Variants in KIF16B observed in about 807,000 individuals in gnomAD.
The protein encoded by KIF16B is kinesin-like protein KIF16B.
Under a neutral mutation model 156.3 loss-of-function variants are expected in KIF16B, and 98 were observed. The ratio of observed to expected loss-of-function variants is 0.63; its 90% CI spans 0.53 to 0.74. KIF16B has a LOEUF of 0.74. KIF16B is among the 30% of genes least tolerant of loss of function. The pLI is 0.00. For missense variants in KIF16B, 1,421 were observed against 1,606.5 expected (o/e 0.88, Z 1.97); for synonymous variants, 564 against 583.7 (o/e 0.97, Z 0.49).
intron 12 of KIF16B, among the ~76,000 whole-genome samples, chr20:16,470,224 G>T (rs1028283477): frequency 1.5e-4 from 23 of 152,140 alleles, no homozygotes; most frequent in African/African-American, 5.6e-4. Flanking sequence ...TGTTTTTAGG[G>T]CAGTGAAACT....
intron 16 of KIF16B, among the ~76,000 whole-genome samples, 168 bp from the exon 17 acceptor site, chr20:16,405,069 G>A (rs2065749038): frequency 6.6e-6 from 1 of 152,162 alleles, no homozygotes; most frequent in African/African-American, 2.4e-5. Flanking sequence ...GGGCAGTAAG[G>A]CCCTGATACA....
chr20:16,546,552 C>T (rs1411129388), intron 1 of KIF16B, among the ~76,000 whole-genome samples: 1 of 152,202 alleles, frequency 6.6e-6, no homozygotes, highest in Non-Finnish European at 1.5e-5. Flanking sequence ...CTTTCTGACC[C>T]TTTCCCAAAA....
chr20:16,475,649 A>T (rs113709585), intron 12 of KIF16B, among the ~76,000 whole-genome samples: 1 of 152,242 alleles, frequency 6.6e-6, no homozygotes, highest in African/African-American at 2.4e-5. Flanking sequence ...AAGGAATTGT[A>T]CATTTTAATT....
chr20:16,452,782 C>A (rs111983750), intron 12 of KIF16B, among the ~76,000 whole-genome samples: 1 of 151,324 alleles, frequency 6.6e-6, no homozygotes, highest in Non-Finnish European at 1.5e-5. Flanking sequence ...TTGCAGTGAG[C>A]CGAGATCGCG....
At chr20:16,550,423 T>G (rs190388692) in intron 1 of KIF16B, among the ~76,000 whole-genome samples, 1 of 152,134 alleles carries the variant, frequency 6.6e-6, no homozygotes, top group Non-Finnish European at 1.5e-5. Context: ...GTTCAACCAT[T>G]GTGGAAGTCA....
chr20:16,313,192 C>A (rs889389095), intron 24 of KIF16B, among the ~76,000 whole-genome samples: 2 of 152,180 alleles, frequency 1.3e-5, no homozygotes, highest in Non-Finnish European at 2.9e-5. Context: ...ATAATTGCTG[C>A]AGTTGCAGAA....
intron 11 of KIF16B, among the ~76,000 whole-genome samples, chr20:16,496,176 CT>C: frequency 6.6e-6 from 1 of 152,194 alleles, no homozygotes; most frequent in East Asian, 1.9e-4. Context: ...CTTATGCCTT[CT>C]CTCCCTACAG....
chr20:16,501,073 T>C (rs1049947632), intron 10 of KIF16B, among the ~76,000 whole-genome samples: 1 of 152,138 alleles, frequency 6.6e-6, no homozygotes, highest in Non-Finnish European at 1.5e-5. Context: ...AAAAAGAAGA[T>C]ATTCAAATAC....
At chr20:16,529,749 C>T (rs752174718) in intron 1 of KIF16B, among the ~76,000 whole-genome samples, 14 of 152,118 alleles carry the variant, frequency 9.2e-5, no homozygotes, top group Non-Finnish European at 1.6e-4. Flanking sequence ...GTCGGGAGTT[C>T]AAGACCAGCC....
chr20:16,385,496 G>A (rs1439165540), intron 17 of KIF16B, among the ~76,000 whole-genome samples: 1 of 152,178 alleles, frequency 6.6e-6, no homozygotes. Context: ...AGTGTTCTGA[G>A]ACCATGAACA....
chr20:16,542,980 G>A (rs908904490), intron 1 of KIF16B, among the ~76,000 whole-genome samples: 7 of 152,196 alleles, frequency 4.6e-5, no homozygotes, highest in Admixed American at 1.3e-4. Flanking sequence ...GTACAGGAAT[G>A]GAGATGCATC....
In KIF16B at chr20:16,452,563, C is replaced by G. The variant is rs145101002; in HGVS notation, c.1303-22581G>C. Among the ~76,000 whole-genome samples the G allele has an allele frequency of 3.9e-3, 590 of 152,130 alleles. 3 individuals are homozygous for G. The highest frequency in any genetic ancestry group is 0.013 in the African/African-American group (560 of 41,516). On this transcript the variant is annotated intron_variant, in intron 12 of 25. Coordinates refer to ENST00000354981, the MANE Select transcript of KIF16B (RefSeq NM_024704.5). Reference sequence around the variant, plus strand: ...TGCATAGAACTCAGGAGGCCGGGAGCAGTGGCTCACGCCTGTAATCCCAGC... The same window carrying G: ...TGCATAGAACTCAGGAGGCCGGGAGGAGTGGCTCACGCCTGTAATCCCAGC...
At chr20:16,358,063 C>CCTA (rs1215834012) in intron 22 of KIF16B, among the ~76,000 whole-genome samples, 1 of 152,146 alleles carries the variant, frequency 6.6e-6, no homozygotes, top group Non-Finnish European at 1.5e-5. Flanking sequence ...GTGGCATGCG[C>CCTA]CTGTAGTCCC....
At chr20:16,462,954 A>G (rs549635084) in intron 12 of KIF16B, among the ~76,000 whole-genome samples, 1 of 152,328 alleles carries the variant, frequency 6.6e-6, no homozygotes, top group Non-Finnish European at 1.5e-5. Context: ...CCATCTGCAT[A>G]ACAAAAGATT....
At chr20:16,413,727 A>AC (rs1434813881) in intron 15 of KIF16B, among the ~76,000 whole-genome samples, 1 of 133,214 alleles carries the variant, frequency 7.5e-6, no homozygotes, top group Non-Finnish European at 1.6e-5. Flanking sequence ...ACCAAAACAT[A>AC]CCCCCCGCCC....
intron 12 of KIF16B, among the ~76,000 whole-genome samples, chr20:16,482,680 A>C (rs1288007054): frequency 1.3e-5 from 2 of 152,288 alleles, no homozygotes; most frequent in East Asian, 3.9e-4. Flanking sequence ...GCTTTTATGT[A>C]ATTTTTCACC....
intron 1 of KIF16B, among the ~76,000 whole-genome samples, chr20:16,545,666 A>G (rs1213876168): frequency 6.6e-6 from 1 of 152,218 alleles, no homozygotes; most frequent in East Asian, 1.9e-4. Context: ...CTCTGTCTCA[A>G]AAGAAAAACG....
intron 12 of KIF16B, among the ~76,000 whole-genome samples, chr20:16,479,305 T>C (rs1197016321): frequency 6.6e-6 from 1 of 151,884 alleles, no homozygotes; most frequent in Non-Finnish European, 1.5e-5. Flanking sequence ...AGTTGAACAA[T>C]GTGAATATAA....
At chr20:16,404,480 A>G (rs917807185) in intron 17 of KIF16B, among the ~76,000 whole-genome samples, 1 of 152,210 alleles carries the variant, frequency 6.6e-6, no homozygotes, top group Non-Finnish European at 1.5e-5. Context: ...CGTAAGCCAA[A>G]GGGATCATGC....
Sources: allele counts gnomAD v4.1 joint callset (sites outside exome capture counted in the v4.1 genomes callset), GRCh38; gene constraint gnomAD v4.1.1; transcripts MANE v1.5; gene names NCBI Gene and HGNC (gene_info 2026-07-23, HGNC 2026-07-21).